ZMAT4: variants seen among roughly 807,000 people sequenced by gnomAD.
The protein encoded by ZMAT4 is zinc finger matrin-type 4.
Under a neutral mutation model 28.7 loss-of-function variants are expected in ZMAT4, and 17 were observed. The observed-to-expected ratio is 0.59, with a 90% confidence interval of 0.41 to 0.89. ZMAT4 has a LOEUF of 0.89. ZMAT4 is among the 40% of genes least tolerant of loss of function. ZMAT4 has a pLI of 0.00. For synonymous variants in ZMAT4, 117 were observed against 109.2 expected (o/e 1.07, Z -0.44); for missense variants, 240 against 283.8 (o/e 0.85, Z 1.11).
intron 5 of ZMAT4, among the ~76,000 whole-genome samples, chr8:40,601,610 GA>G (rs1199648225): frequency 5.1e-5 from 2 of 39,220 alleles, no homozygotes; most frequent in South Asian, 8.6e-4. Flanking sequence ...AAGAAAGAAA[GA>G]AAGAAAGAAA....
At chr8:40,896,070 C>A (rs1467469370) in intron 1 of ZMAT4, among the ~76,000 whole-genome samples, 1 of 150,760 alleles carries the variant, frequency 6.6e-6, no homozygotes, top group Admixed American at 6.6e-5. Flanking sequence ...ACACCCCCCC[C>A]AAAAAAAAAG....
intron 5 of ZMAT4, among the ~76,000 whole-genome samples, chr8:40,585,888 C>T (rs905317679): frequency 6.6e-6 from 1 of 152,118 alleles, no homozygotes; most frequent in East Asian, 1.9e-4. Flanking sequence ...AATCAAAGTT[C>T]TCATAACAAA....
At chr8:40,891,257 G>GAGGGAGGAGGGGGAAGGGGGA (rs1818669678) in intron 1 of ZMAT4, among the ~76,000 whole-genome samples, 1 of 93,818 alleles carries the variant, frequency 1.1e-5, no homozygotes, top group African/African-American at 3.8e-5. Context: ...GGGGAAGGGG[G>GAGGGAGGAGGGGGAAGGGGGA]AGGGGGGAGG....
intron 2 of ZMAT4, among the ~76,000 whole-genome samples, chr8:40,815,547 A>G (rs900362263): frequency 6.6e-6 from 1 of 152,172 alleles, no homozygotes; most frequent in African/African-American, 2.4e-5. Flanking sequence ...GCCCTCAACC[A>G]CAGGGCACAG....
chr8:40,799,051 C>T (rs1563491820), intron 2 of ZMAT4, among the ~76,000 whole-genome samples: 1 of 150,912 alleles, frequency 6.6e-6, no homozygotes, highest in Non-Finnish European at 1.5e-5. Flanking sequence ...AGATGGCTGG[C>T]TGGCTGGCTG....
chr8:40,592,996 G>A (rs7017504), intron 5 of ZMAT4, among the ~76,000 whole-genome samples: 29,172 of 152,128 alleles, frequency 0.19, 2,919 homozygotes, highest in Middle Eastern at 0.23. Flanking sequence ...TTCCTTTGAA[G>A]TGTACTCAAA....
At chr8:40,880,160 G>T (rs879691226) in intron 1 of ZMAT4, among the ~76,000 whole-genome samples, 3 of 152,130 alleles carry the variant, frequency 2.0e-5, no homozygotes, top group Non-Finnish European at 2.9e-5. Context: ...CTGAGGTCAG[G>T]AGTTCAAGAC....
At chr8:40,812,105 T>C (rs559436320) in intron 2 of ZMAT4, among the ~76,000 whole-genome samples, 19 of 152,302 alleles carry the variant, frequency 1.2e-4, no homozygotes, top group Admixed American at 4.6e-4. Context: ...CATTCCAGCC[T>C]GGGTGACAGA....
intron 1 of ZMAT4, among the ~76,000 whole-genome samples, chr8:40,852,399 A>G (rs1182973217): frequency 6.6e-6 from 1 of 152,192 alleles, no homozygotes; most frequent in African/African-American, 2.4e-5. Context: ...CATTTTTGCA[A>G]ATCCCTTGTA....
chr8:40,787,323 A>G (rs1814128847), intron 2 of ZMAT4, among the ~76,000 whole-genome samples: 1 of 152,224 alleles, frequency 6.6e-6, no homozygotes, highest in Non-Finnish European at 1.5e-5. Context: ...CATCGCTGTC[A>G]ATCAGAACAT....
intron 3 of ZMAT4, among the ~76,000 whole-genome samples, chr8:40,760,710 C>CTCTCTT (rs1181866184): frequency 4.0e-5 from 6 of 149,940 alleles, no homozygotes; most frequent in Non-Finnish European, 7.4e-5. Flanking sequence ...GTCACAGTCT[C>CTCTCTT]TCTCTCTCTC....
chr8:40,827,073 A>G (rs979599484), intron 1 of ZMAT4, among the ~76,000 whole-genome samples: 25 of 152,200 alleles, frequency 1.6e-4, no homozygotes, highest in African/African-American at 5.8e-4. Context: ...AAGACAGTCC[A>G]AAGTTACATT....
chr8:40,607,931 C>T (rs549826957), intron 5 of ZMAT4, among the ~76,000 whole-genome samples: 1 of 151,998 alleles, frequency 6.6e-6, no homozygotes, highest in South Asian at 2.1e-4. Flanking sequence ...CCAGTGGAGG[C>T]AGCAGGGGAG....
chr8:40,718,387 A>C (rs1810942699), intron 3 of ZMAT4, among the ~76,000 whole-genome samples: 1 of 152,176 alleles, frequency 6.6e-6, no homozygotes, highest in Non-Finnish European at 1.5e-5. Context: ...CAATCTAGCC[A>C]AGCTTACTGA....
intron 5 of ZMAT4, among the ~76,000 whole-genome samples, chr8:40,657,576 G>C (rs971775236): frequency 5.9e-5 from 9 of 151,772 alleles, no homozygotes; most frequent in Admixed American, 3.3e-4. Context: ...ATTCTTCTCT[G>C]ACTGCTTTCA....
intron 1 of ZMAT4, among the ~76,000 whole-genome samples, chr8:40,846,606 T>C (rs978289117): frequency 9.9e-5 from 15 of 152,166 alleles, no homozygotes; most frequent in African/African-American, 3.6e-4. Flanking sequence ...TCGTTCCACC[T>C]CACTCCCCCT....
chr8:40,726,550 C>T (rs1157981294), intron 3 of ZMAT4, among the ~76,000 whole-genome samples: 1 of 152,230 alleles, frequency 6.6e-6, no homozygotes, highest in Admixed American at 6.5e-5. Flanking sequence ...CATAGCTGTT[C>T]CGTGTCCCCA....
intron 6 of ZMAT4, among the ~76,000 whole-genome samples, chr8:40,546,953 ACACT>A (rs1803221815): frequency 1.3e-5 from 2 of 152,156 alleles, no homozygotes; most frequent in African/African-American, 4.8e-5. Context: ...ATAAACACAC[ACACT>A]CACGCACACA....
chr8:40,550,915 G>A (rs1466039603), intron 6 of ZMAT4, among the ~76,000 whole-genome samples: 5 of 152,098 alleles, frequency 3.3e-5, no homozygotes, highest in African/African-American at 9.7e-5. Flanking sequence ...TTTCCTGCAG[G>A]TAAAACAATA....
Sources: allele counts gnomAD v4.1 joint callset (sites outside exome capture counted in the v4.1 genomes callset), GRCh38; gene constraint gnomAD v4.1.1; transcripts MANE v1.5; gene names NCBI Gene and HGNC (gene_info 2026-07-23, HGNC 2026-07-21).